DNAH7: variants seen among roughly 807,000 people sequenced by gnomAD.
DNAH7 encodes the protein dynein axonemal heavy chain 7, also known as axonemal beta dynein heavy chain 7.
In DNAH7, 397 loss-of-function variants were observed where a neutral mutation model predicts 444.6. The observed-to-expected ratio is 0.89, with a 90% confidence interval of 0.82 to 0.97. The LOEUF is 0.97. DNAH7 is among the 50% of genes least tolerant of loss of function. The pLI is 0.00. For synonymous variants in DNAH7, 1,636 were observed against 1,624.4 expected, an observed-to-expected ratio of 1.01 and a Z score of -0.17; for missense variants, 4,902 against 4,800.8, an observed-to-expected ratio of 1.02 and a Z score of -0.62.
chr2:196,001,088 T>C (rs1319678271), intron 11 of DNAH7, among the ~76,000 whole-genome samples: 2 of 151,874 alleles, frequency 1.3e-5, no homozygotes, highest in African/African-American at 4.8e-5. Flanking sequence ...GGACTACAGG[T>C]CAACTACAGG....
chr2:195,842,321 G>C (rs1698736250), intron 47 of DNAH7, among the ~76,000 whole-genome samples: 1 of 152,014 alleles, frequency 6.6e-6, no homozygotes, highest in Admixed American at 6.6e-5. Flanking sequence ...AAATTTTATA[G>C]ATTCTTCCAG....
chr2:195,994,083 T>C (rs116197516), intron 12 of DNAH7, among the ~76,000 whole-genome samples: 1,730 of 152,332 alleles, frequency 0.011, 21 homozygotes, highest in Non-Finnish European at 0.016. Flanking sequence ...AGTTGTTTAT[T>C]TTTTTAAATT....
intron 30 of DNAH7, chr2:195,894,113 G>C (rs1702167988): frequency 6.6e-6 from 1 of 152,076 alleles, no homozygotes; most frequent in Non-Finnish European, 1.5e-5. Flanking sequence ...GTATCAGTTT[G>C]TATAATAAAT....
chr2:195,758,761 A>G (rs1305419585), intron 61 of DNAH7, among the ~76,000 whole-genome samples: 1 of 152,230 alleles, frequency 6.6e-6, no homozygotes, highest in Non-Finnish European at 1.5e-5. Context: ...TTGAGACTGT[A>G]CTGGAACTCA....
chr2:196,023,281 C>T (rs1695488009), intron 8 of DNAH7, among the ~76,000 whole-genome samples: 1 of 151,880 alleles, frequency 6.6e-6, no homozygotes, highest in Non-Finnish European at 1.5e-5. Context: ...TGTAAGCTTC[C>T]CAAGGCCTCC....
Position 195,855,978 on chromosome 2 carries a change from C to G in DNAH7, c.8428G>C (p.Val2810Leu), listed in dbSNP as rs1469187547. 1.2e-6 allele frequency: 2 copies of G among 1,609,396 alleles called. No individual in the cohort carries two copies. Among genetic ancestry groups the G allele is most frequent in the Non-Finnish European group, 1.7e-6 (2 of 1,178,262 alleles). ...GCCAGTTTTATCTTTTTGGGAGCTA[C>G]TATTTTTGCCACTCTGCAAAAAGTA... ...MDSYDKVAKIVAPKKIKLAAA... is the reference protein window; with the variant it reads ...MDSYDKVAKILAPKKIKLAAA... The change falls in exon 45 of 65, where the codon GTA (valine) becomes CTA (leucine). Residue 2810 changes from valine to leucine, a missense_variant. Transcript: ENST00000312428.
intron 14 of DNAH7, among the ~76,000 whole-genome samples, chr2:195,986,602 C>T (rs543196074): frequency 1.6e-4 from 25 of 152,082 alleles, no homozygotes; most frequent in East Asian, 1.4e-3. Flanking sequence ...TCAGTTTTCC[C>T]GAAAATCCCT....
chr2:195,958,608 C>T (rs1690860481), intron 18 of DNAH7, among the ~76,000 whole-genome samples: 1 of 152,106 alleles, frequency 6.6e-6, no homozygotes, highest in African/African-American at 2.4e-5. Context: ...AACAGTGTGG[C>T]ACTCATGAGA....
intron 3 of DNAH7, 92 bp downstream of exon 3, chr2:196,051,095 G>T: frequency 1.8e-6 from 2 of 1,095,258 alleles, no homozygotes; most frequent in Admixed American, 3.5e-5. Flanking sequence ...ATCAAATGGA[G>T]CAGGAATTTG....
In DNAH7 at chr2:195,876,634, T is replaced by C; in HGVS notation, c.6027A>G (p.Gln2009=). The change falls in exon 37 of 65, where the codon CAA becomes CAG. Residue 2009 remains glutamine, a synonymous_variant. Transcript: ENST00000312428. The part of the protein sequence containing the change: ...YKPLLINFSA[Q]TTAAQTQNIV... ...TATTCTGAGTTTGAGCTGCTGTAGT[T>C]TGTGCTGAGAAGTTAATTAGCAGAG... 2 of 1,612,896 alleles carry C rather than the reference T, an allele frequency of 1.2e-6. No homozygotes were observed. Among genetic ancestry groups the C allele is most frequent in the South Asian group, 1.1e-5 (1 of 91,032 alleles).
chr2:195,790,273 C>T (rs181088517), intron 57 of DNAH7, among the ~76,000 whole-genome samples: 2 of 152,208 alleles, frequency 1.3e-5, no homozygotes, highest in East Asian at 3.9e-4. Context: ...ACACATTCAA[C>T]ACCATTCCTA....
chr2:196,027,883 T>G (rs1237480901), intron 6 of DNAH7, 77 bp downstream of exon 6: 1 of 1,298,274 alleles, frequency 7.7e-7, no homozygotes, highest in Non-Finnish European at 1.1e-6. Context: ...AAGCACAGAG[T>G]GGTCTCCAAA....
chr2:195,781,560 AAGAG>A (rs1404458625), intron 58 of DNAH7, among the ~76,000 whole-genome samples: 2 of 152,114 alleles, frequency 1.3e-5, no homozygotes, highest in Non-Finnish European at 2.9e-5. Context: ...TCCTTGTTAC[AAGAG>A]GGTTGAGACA....
At chr2:196,021,289 C>T (rs1424583396) in intron 8 of DNAH7, among the ~76,000 whole-genome samples, 1 of 152,096 alleles carries the variant, frequency 6.6e-6, no homozygotes, top group Non-Finnish European at 1.5e-5. Context: ...CCTATCGATC[C>T]ATCAACTCAT....
chr2:195,842,040 G>A (rs922558613), intron 47 of DNAH7, among the ~76,000 whole-genome samples: 2 of 151,976 alleles, frequency 1.3e-5, no homozygotes, highest in Admixed American at 6.6e-5. Context: ...AAGGAAAGGT[G>A]TTATTCTTCT....
intron 40 of DNAH7, among the ~76,000 whole-genome samples, chr2:195,871,709 A>ACACCTACTTTGAAATAT (rs1358661877): frequency 9.5e-5 from 8 of 84,452 alleles, no homozygotes; most frequent in African/African-American, 4.6e-4. Context: ...GGGAAGGCGG[A>ACACCTACTTTGAAATAT]TCACGAGGTC....
chr2:195,857,524 T>A lies in DNAH7; in HGVS notation c.8267A>T (p.Asp2756Val). 6.2e-7 allele frequency: 1 copy of A among 1,614,010 alleles called. No individual in the cohort carries two copies. Among genetic ancestry groups the A allele is most frequent in the South Asian group, 1.1e-5 (1 of 91,072 alleles). ...ATAAGCTGGAGGAATATTGTCCTTG[T>A]CATATTCATGAAGTGACTGCAGAAA... ...MRFLQSLHEY[D>V]KDNIPPAYMN... The change falls in exon 44 of 65, where the codon GAC becomes GTC. Residue 2756 changes from aspartate (D) to valine (V), a missense_variant. Asp to Val is a radical substitution (Grantham distance 152). Transcript: ENST00000312428.
intron 54 of DNAH7, among the ~76,000 whole-genome samples, chr2:195,802,865 C>A (rs1696540511): frequency 6.6e-6 from 1 of 152,144 alleles, no homozygotes; most frequent in Non-Finnish European, 1.5e-5. Flanking sequence ...ACACCCTTCA[C>A]CCTTCTGAGT....
At chr2:195,895,322 T>A (rs530169931) in intron 29 of DNAH7, 98 bp from the exon 30 acceptor site, 1 of 770,108 alleles carries the variant, frequency 1.3e-6, no homozygotes, top group African/African-American at 1.8e-5. Flanking sequence ...TAATAATAGT[T>A]CAACAATATT....
Sources: allele counts gnomAD v4.1 joint callset (sites outside exome capture counted in the v4.1 genomes callset), GRCh38; gene constraint gnomAD v4.1.1; transcripts MANE v1.5; gene names NCBI Gene and HGNC (gene_info 2026-07-23, HGNC 2026-07-21).